The following DYM variants were observed in gnomAD, a reference collection of about 807,000 sequenced individuals.
DYM encodes dyggve-Melchior-Clausen syndrome protein.
In DYM, 78 loss-of-function variants were observed where a neutral mutation model predicts 93.1. The observed-to-expected ratio is 0.84, with a 90% CI of 0.70 to 1.01. The LOEUF (loss-of-function observed/expected upper bound fraction) is 1.01. Among genes scored for constraint, DYM ranks in the 50% least tolerant of loss-of-function variants. The probability of loss-of-function intolerance (pLI) is 0.00; values close to 1 mark genes in which losing one functional copy is unlikely to be tolerated. For synonymous variants in DYM, 321 were observed against 319.7 expected, an observed-to-expected ratio of 1.00 and a Z score of -0.04; for missense variants, 789 against 845.0, an observed-to-expected ratio of 0.93 and a Z score of 0.82.
chr18:49,412,422 T>C (rs2072372071), intron 2 of DYM, among the ~76,000 whole-genome samples: 2 of 152,134 alleles, frequency 1.3e-5, no homozygotes, highest in African/African-American at 4.8e-5. Context: ...AAAATGATTT[T>C]TGCATAGAAA....
At chr18:49,166,331 G>A (rs893512318) in intron 14 of DYM, among the ~76,000 whole-genome samples, 1 of 152,062 alleles carries the variant, frequency 6.6e-6, no homozygotes, top group Non-Finnish European at 1.5e-5. Flanking sequence ...AAACACATGA[G>A]TGTTTACTGT....
At chr18:49,080,006 C>T (rs1427710775) in intron 17 of DYM, among the ~76,000 whole-genome samples, 5 of 150,954 alleles carry the variant, frequency 3.3e-5, no homozygotes, top group Non-Finnish European at 4.4e-5. Flanking sequence ...CCTCACCTCC[C>T]GGACGGGGCG....
intron 15 of DYM, among the ~76,000 whole-genome samples, chr18:49,151,737 A>T (rs986308397): frequency 9.9e-5 from 15 of 152,170 alleles, no homozygotes; most frequent in Admixed American, 9.2e-4. Flanking sequence ...GCTGCTTTCT[A>T]TTTGCCATGT....
intron 15 of DYM, among the ~76,000 whole-genome samples, chr18:49,150,972 T>A (rs2085746345): frequency 6.6e-6 from 1 of 152,224 alleles, no homozygotes; most frequent in Non-Finnish European, 1.5e-5. Context: ...AACTGCTTTG[T>A]TGTAATAACA....
At position 49,372,118 on chromosome 18, in the gene DYM, A is replaced by G. The variant is rs757882326; in HGVS notation, c.421+6449T>C. Among the ~76,000 whole-genome samples, 59 of 152,316 alleles carry G rather than the reference A, an allele frequency of 3.9e-4. 1 individual carries two copies. The highest frequency in any genetic ancestry group is 6.9e-4 in the Non-Finnish European group (47 of 68,026). ...ACCTTCAAACAACCTGTACCACTGT[A>G]TATTATCGACCCCACTCTTTCATAT... On this transcript the variant is annotated intron_variant, in intron 5 of 17. Transcript: ENST00000675505.
chr18:49,450,720 T>C (rs2082455712), intron 1 of DYM, among the ~76,000 whole-genome samples: 1 of 152,230 alleles, frequency 6.6e-6, no homozygotes, highest in South Asian at 2.1e-4. Context: ...TACTAATATA[T>C]GTTCCAAAAT....
At chr18:49,149,702 GTTTTTTT>G (rs35259913) in intron 15 of DYM, among the ~76,000 whole-genome samples, 3 of 76,844 alleles carry the variant, frequency 3.9e-5, no homozygotes, top group East Asian at 9.0e-4. Flanking sequence ...ATTACAAAGT[GTTTTTTT>G]TTTTTTTTTT....
intron 15 of DYM, among the ~76,000 whole-genome samples, chr18:49,136,720 T>C (rs536186577): frequency 6.6e-6 from 1 of 152,324 alleles, no homozygotes; most frequent in East Asian, 1.9e-4. Flanking sequence ...GGAAATCCTC[T>C]TCTTTTGAGG....
chr18:49,213,550 A>G (rs1231618992), intron 13 of DYM, among the ~76,000 whole-genome samples: 3 of 152,170 alleles, frequency 2.0e-5, no homozygotes, highest in Admixed American at 6.5e-5. Flanking sequence ...TCCTGACCTC[A>G]GGCAATCCAC....
chr18:49,255,725 A>G (rs901388540), intron 13 of DYM, among the ~76,000 whole-genome samples: 5 of 151,708 alleles, frequency 3.3e-5, no homozygotes, highest in Non-Finnish European at 7.4e-5. Flanking sequence ...AAAAGTAAGA[A>G]TTAAAGGAAA....
chr18:49,291,517 C>T (rs1307188689), intron 8 of DYM, among the ~76,000 whole-genome samples: 4 of 152,056 alleles, frequency 2.6e-5, no homozygotes, highest in East Asian at 1.9e-4. Context: ...CCCTAAATTT[C>T]GAGGTCCTCA....
intron 9 of DYM, among the ~76,000 whole-genome samples, chr18:49,283,410 A>G (rs2095041250): frequency 6.6e-6 from 1 of 152,060 alleles, no homozygotes; most frequent in Non-Finnish European, 1.5e-5. Context: ...CTAATTGACT[A>G]TAACTGTTAA....
intron 6 of DYM, among the ~76,000 whole-genome samples, chr18:49,338,672 T>G (rs1162595791): frequency 6.6e-6 from 1 of 152,146 alleles, no homozygotes; most frequent in Non-Finnish European, 1.5e-5. Context: ...GAAAAACACA[T>G]TGTACAGAAG....
intron 14 of DYM, among the ~76,000 whole-genome samples, chr18:49,193,309 T>G (rs1040309497): frequency 6.6e-6 from 1 of 152,086 alleles, no homozygotes; most frequent in Non-Finnish European, 1.5e-5. Flanking sequence ...AAAAAAAATA[T>G]TTTGTATGCA....
At chr18:49,194,378 C>T (rs909229760) in intron 14 of DYM, among the ~76,000 whole-genome samples, 3 of 149,302 alleles carry the variant, frequency 2.0e-5, no homozygotes, top group African/African-American at 5.0e-5. Flanking sequence ...GACTAGAGTG[C>T]CTCCTTCACC....
intron 15 of DYM, among the ~76,000 whole-genome samples, chr18:49,133,975 C>G (rs1000486157): frequency 2.6e-5 from 4 of 152,140 alleles, no homozygotes; most frequent in African/African-American, 9.7e-5. Flanking sequence ...AATTATAGTA[C>G]ATCTGGACAA....
intron 9 of DYM, among the ~76,000 whole-genome samples, 169 bp downstream of exon 9, chr18:49,286,265 C>A (rs527890379): frequency 6.6e-6 from 1 of 152,276 alleles, no homozygotes; most frequent in East Asian, 1.9e-4. Flanking sequence ...ATAAAGGATG[C>A]TTGACCTTCC....
rs1490851811 is a variant in DYM at position 49,124,124 on chromosome 18, C to A, written c.1729-5198G>T. On this transcript the variant is annotated intron_variant, in intron 15 of 17. Coordinates refer to ENST00000675505, the MANE Select transcript of DYM (RefSeq NM_001353214.3). The stretch of plus-strand genomic sequence containing the variant: ...TTGCTGAAACAAACAGGGTGATACA[C>A]CCAACTCCTAACTAGGCACCTGCTA... Among the ~76,000 whole-genome samples the A allele has an allele frequency of 3.3e-5, 5 of 152,280 alleles. No individual in the cohort carries two copies. In the East Asian group the frequency reaches 7.7e-4, roughly 23 times the overall value.
chr18:49,441,307 AAT>A (rs1568455207), intron 1 of DYM, among the ~76,000 whole-genome samples: 2 of 32,554 alleles, frequency 6.1e-5, no homozygotes, highest in Non-Finnish European at 9.6e-5. Context: ...AATTATATAT[AAT>A]TAATATATAA....
Sources: allele counts gnomAD v4.1 joint callset (sites outside exome capture counted in the v4.1 genomes callset), GRCh38; gene constraint gnomAD v4.1.1; transcripts MANE v1.5; gene names NCBI Gene and HGNC (gene_info 2026-07-23, HGNC 2026-07-21).